Variants in FCHSD1 observed in about 807,000 individuals in gnomAD.
The protein encoded by FCHSD1 is FCH and double SH3 domains 1.
A neutral mutation model predicts 101.3 loss-of-function variants in FCHSD1; 109 were observed. That is an observed-to-expected ratio of 1.08 (90% confidence interval 0.92 to 1.26). The LOEUF is 1.26. Among genes scored for constraint, FCHSD1 ranks in the 50% most tolerant of loss-of-function variants. The pLI is 0.00. For missense variants in FCHSD1, 820 were observed against 895.8 expected (o/e 0.92, Z 1.08); for synonymous variants, 291 against 356.8 (o/e 0.82, Z 2.08).
intron 9 of FCHSD1, 82 bp from the exon 10 acceptor site, chr5:141,647,312 G>A: frequency 2.6e-6 from 4 of 1,563,426 alleles, no homozygotes; most frequent in Non-Finnish European, 3.5e-6. Flanking sequence ...GAAGAAAAAG[G>A]ACAATGTGTG....
intron 18 of FCHSD1, 47 bp downstream of exon 18, chr5:141,642,951 CCTT>C (rs749894770): frequency 3.9e-6 from 6 of 1,527,126 alleles, no homozygotes; most frequent in East Asian, 2.5e-5. Context: ...CAAGCTTCCT[CCTT>C]CTTCCTGTCT....
chr5:141,644,112 TA>T, intron 17 of FCHSD1, 105 bp downstream of exon 17: 1 of 1,121,024 alleles, frequency 8.9e-7, no homozygotes, highest in Non-Finnish European at 1.3e-6. Flanking sequence ...CTGTAGGAGG[TA>T]AAACTGGGGA....
chr5:141,642,379 C>T lies in FCHSD1; in HGVS notation c.1951+622G>A, dbSNP rs532015620. The stretch of plus-strand genomic sequence containing the variant: ...GCAAAGGTAGGAGTAGAGGCAGGGG[C>T]GAGGGTTGAAAAATTACCTATCAGG... On this transcript the variant is annotated intron_variant, in intron 18 of 19. Coordinates refer to ENST00000435817, the MANE Select transcript of FCHSD1 (RefSeq NM_033449.3). 49 of 687,632 alleles carry T rather than the reference C, an allele frequency of 7.1e-5. No individual in the cohort carries two copies. The African/African-American group carries it at 7.6e-4, about 11-fold the overall frequency. The allele number at this position is 687,632 out of a possible 1,614,324, so 42.6% of individuals were successfully genotyped here. A position where few individuals can be genotyped will look rare whatever the true frequency, so the allele number is the denominator to read the frequency against.
rs1204766073 is a variant in FCHSD1, at chr5:141,647,445, C to A, written c.781G>T (p.Glu261Ter). The A allele has an allele frequency of 1.2e-6, 2 of 1,611,408 alleles. No individual in the cohort carries two copies. The highest frequency in any genetic ancestry group is 1.3e-5 in the African/African-American group (1 of 74,888). Reference sequence around the variant, plus strand: ...CGGTGGGCATGCTCCAGGATGACCTCTGCGGCTTCCAGCTCAGTGTGGCTC... The same window carrying A: ...CGGTGGGCATGCTCCAGGATGACCTATGCGGCTTCCAGCTCAGTGTGGCTC... ...SLSHTELEAA[E>*]VILEHAHRGE... Residue 261 changes from glutamate to a stop codon, truncating the protein, a stop_gained, in exon 9 of 20, where the codon GAG (glutamate) becomes TAG (stop). Transcript: ENST00000435817. LOFTEE classifies it high-confidence loss of function.
chr5:141,642,349 A>AG, intron 18 of FCHSD1: 3 of 667,386 alleles, frequency 4.5e-6, no homozygotes, highest in Non-Finnish European at 8.0e-6. Context: ...AGGACTCCAA[A>AG]GGGGGCAAAG....
Position 141,644,437 on chromosome 5 carries a change from T to A in FCHSD1, c.1644A>T (p.Ala548=), listed in dbSNP as rs759787161. 6.2e-7 allele frequency: 1 copy of A among 1,613,520 alleles called. No individual in the cohort carries two copies. Among genetic ancestry groups the A allele is most frequent in the Non-Finnish European group, 8.5e-7 (1 of 1,179,712 alleles). Residue 548 remains alanine (A), a splice_region_variant and synonymous_variant, in exon 17 of 20, where the codon GCA becomes GCT. Transcript: ENST00000435817. ...AGCTGTACAGGGCCTGTGCCAGGAA[T>A]GCTACAGAGGCCCAGGAGAGACGGT... ...SDNPCGAEPT[A]FLAQALYSYT... is the part of the protein sequence containing the mutation.
chr5:141,644,781 G>A (rs1303689172), intron 15 of FCHSD1, 78 bp downstream of exon 15: 2 of 1,604,798 alleles, frequency 1.2e-6, no homozygotes, highest in Non-Finnish European at 1.7e-6. Flanking sequence ...GCTTTGCCTA[G>A]AAGGGTCTAT....
At position 141,645,757 on chromosome 5, in the gene FCHSD1, G is replaced by C. The variant is rs368318178; in HGVS notation, c.1311+14C>G. The C allele has an allele frequency of 1.9e-5, 31 of 1,608,486 alleles. No homozygotes were observed. The highest frequency in any genetic ancestry group is 1.5e-4 in the Admixed American group (9 of 59,308). ...TTCTAAGTAAGGATGGGTAGTGTTGGGGGAGGAGCTCACGGTTGGAGAGAG... is the reference window on the plus strand; with the variant it reads ...TTCTAAGTAAGGATGGGTAGTGTTGCGGGAGGAGCTCACGGTTGGAGAGAG... On this transcript the variant is annotated intron_variant, in intron 13 of 19. Coordinates refer to ENST00000435817, the MANE Select transcript of FCHSD1 (RefSeq NM_033449.3).
At position 141,639,463 on chromosome 5, in the gene FCHSD1, G is replaced by T. The variant is rs781056296; in HGVS notation, c.*2035C>A. On this transcript the variant is annotated 3_prime_UTR_variant, in exon 20 of 20. Coordinates refer to ENST00000435817, the MANE Select transcript of FCHSD1 (RefSeq NM_033449.3). The surrounding 1 kb of genome is among the most constrained non-coding windows in gnomAD (Gnocchi z 4.4). ...TCACTCCCCTCCTCCCTGCTGTCCA[G>T]TGTGGATGCCACCTCCAGCCTGCAG... 6.2e-7 allele frequency: 1 copy of T among 1,609,642 alleles called. No individual in the cohort carries two copies. Among genetic ancestry groups the T allele is most frequent in the Non-Finnish European group, 8.5e-7 (1 of 1,177,022 alleles).
chr5:141,649,148 C>T lies in FCHSD1; in HGVS notation c.512+24G>A, dbSNP rs375499969. ...CACCTCCCTGTTCCCCAACCTTGGG[C>T]TTCCTCACTCTCCATGACCCCACCT... On this transcript the variant is annotated intron_variant, in intron 6 of 19. Transcript: ENST00000435817. This position sits in a 1 kb window ranked among gnomAD's most constrained non-coding sequence, Gnocchi z 4.1. The T allele has an allele frequency of 5.0e-6, 8 of 1,613,962 alleles. No homozygotes were observed. The East Asian group carries it at 6.7e-5, about 13-fold the overall frequency.
chr5:141,639,445 C>T lies in FCHSD1; in HGVS notation c.*2053G>A. ...GAAATGGAAATGTTACCCTCACTCC[C>T]CTCCTCCCTGCTGTCCAGTGTGGAT... On this transcript the variant is annotated 3_prime_UTR_variant, in exon 20 of 20. Coordinates refer to ENST00000435817, the MANE Select transcript of FCHSD1 (RefSeq NM_033449.3). The surrounding 1 kb of genome is among the most constrained non-coding windows in gnomAD (Gnocchi z 4.4). 1.9e-6 allele frequency: 3 copies of T among 1,582,562 alleles called. No individual in the cohort carries two copies. The highest frequency in any genetic ancestry group is 1.1e-5 in the South Asian group (1 of 89,108).
In FCHSD1 at chr5:141,640,938, C is replaced by T. The variant is rs1279610390; in HGVS notation, c.*560G>A. 7.8e-6 allele frequency: 4 copies of T among 514,960 alleles called. No homozygotes were observed. The highest frequency in any genetic ancestry group is 1.4e-5 in the Non-Finnish European group (4 of 292,452). The allele number at this position is 514,960 out of a possible 1,614,324, so 31.9% of individuals were successfully genotyped here. The stretch of plus-strand genomic sequence containing the variant: ...AGAGCGTGGCAGCTGGGAGCAGGCC[C>T]CTGCCCGTGGTGGGCCCCTAAAGCA... On this transcript the variant is annotated 3_prime_UTR_variant, in exon 20 of 20. Coordinates refer to ENST00000435817, the MANE Select transcript of FCHSD1 (RefSeq NM_033449.3).
chr5:141,650,238 AC>A lies in FCHSD1; in HGVS notation c.165+120del, dbSNP rs2099908200. The A allele has an allele frequency of 4.6e-6, 6 of 1,293,358 alleles. No individual in the cohort carries two copies. The Admixed American group carries it at 1.1e-4, about 23-fold the overall frequency. 80.1% of individuals were successfully genotyped at this position (1,293,358 alleles called of 1,614,324 possible). On this transcript the variant is annotated intron_variant, in intron 3 of 19. Coordinates refer to ENST00000435817, the MANE Select transcript of FCHSD1 (RefSeq NM_033449.3). The stretch of plus-strand genomic sequence containing the variant: ...TATAATTACACAGCAGGGATCTGAC[AC>A]CAGTCTGCTTGACTCTAGGCATCTG...
intron 3 of FCHSD1, 114 bp downstream of exon 3, chr5:141,650,245 T>G (rs2099908201): frequency 7.3e-7 from 1 of 1,361,476 alleles, no homozygotes; most frequent in Admixed American, 1.7e-5. Context: ...GACACCAGTC[T>G]GCTTGACTCT....
chr5:141,651,136 G>T lies in FCHSD1; in HGVS notation c.22-19C>A, dbSNP rs1303083159. On this transcript the variant is annotated intron_variant, in intron 1 of 19. Coordinates refer to ENST00000435817, the MANE Select transcript of FCHSD1 (RefSeq NM_033449.3). Reference sequence around the variant, plus strand: ...GCTTCACCTGTGGGGGCAAAGAGAGGATGAAGACCCCAGCGCAAGGACCTA... The same window carrying T: ...GCTTCACCTGTGGGGGCAAAGAGAGTATGAAGACCCCAGCGCAAGGACCTA... The T allele has an allele frequency of 1.9e-6, 3 of 1,568,724 alleles. No individual in the cohort carries two copies. Among genetic ancestry groups the T allele is most frequent in the Non-Finnish European group, 2.6e-6 (3 of 1,155,582 alleles).
chr5:141,640,047 C>T lies in FCHSD1; in HGVS notation c.*1451G>A. The T allele has an allele frequency of 6.2e-7, 1 of 1,613,420 alleles. No homozygotes were observed. The highest frequency in any genetic ancestry group is 8.5e-7 in the Non-Finnish European group (1 of 1,179,738). ...GGGTGGTCAGGGGTCTGGGGGAGGGCAGCCCAAGGCAGGGATGCCTGCCAT... is the reference window on the plus strand; with the variant it reads ...GGGTGGTCAGGGGTCTGGGGGAGGGTAGCCCAAGGCAGGGATGCCTGCCAT... On this transcript the variant is annotated 3_prime_UTR_variant, in exon 20 of 20. Coordinates refer to ENST00000435817, the MANE Select transcript of FCHSD1 (RefSeq NM_033449.3).
Position 141,639,488 on chromosome 5 carries a change from G to A in FCHSD1, c.*2010C>T. On this transcript the variant is annotated 3_prime_UTR_variant, in exon 20 of 20. Coordinates refer to ENST00000435817, the MANE Select transcript of FCHSD1 (RefSeq NM_033449.3). The surrounding 1 kb of genome is among the most constrained non-coding windows in gnomAD (Gnocchi z 4.4). ...GTGTGGATGCCACCTCCAGCCTGCAGGACGGAGCCCCCTCCCATCATCACA... is the reference window on the plus strand; with the variant it reads ...GTGTGGATGCCACCTCCAGCCTGCAAGACGGAGCCCCCTCCCATCATCACA... The A allele has an allele frequency of 1.9e-6, 3 of 1,613,674 alleles. No individual in the cohort carries two copies. The highest frequency in any genetic ancestry group is 2.5e-6 in the Non-Finnish European group (3 of 1,179,752).
chr5:141,648,177 A>G, intron 7 of FCHSD1, 81 bp from the exon 8 acceptor site: 1 of 1,481,178 alleles, frequency 6.8e-7, no homozygotes, highest in Non-Finnish European at 9.0e-7. Context: ...CAGATCCAGA[A>G]TGGATTCTCA....
At chr5:141,642,395 A>G in intron 18 of FCHSD1, 1 of 694,008 alleles carries the variant, frequency 1.4e-6, no homozygotes, top group Non-Finnish European at 2.6e-6. Flanking sequence ...TTGAAAAATT[A>G]CCTATCAGGT....
Sources: allele counts gnomAD v4.1 joint callset, GRCh38; gene constraint gnomAD v4.1.1; non-coding constraint Gnocchi (gnomAD v3.1); transcripts MANE v1.5; gene names NCBI Gene and HGNC (gene_info 2026-07-23, HGNC 2026-07-21).